Variants in ATE1 observed in about 807,000 individuals in gnomAD.
ATE1 encodes the protein arginyltransferase 1, also known as arginyl-tRNA--protein transferase 1.
ATE1 carries 36 observed loss-of-function variants against 70.5 expected under a neutral mutation model. The ratio of observed to expected loss-of-function variants is 0.51; its 90% CI spans 0.39 to 0.67. The LOEUF (loss-of-function observed/expected upper bound fraction) is 0.67, where lower values mean the gene tolerates loss of function less well. Ranked by LOEUF, ATE1 falls within the 30% of genes least tolerant of loss-of-function variation. ATE1 has a pLI of 0.00. For missense variants in ATE1, 593 were observed against 629.5 expected (o/e 0.94, Z 0.62); for synonymous variants, 232 against 219.3 (o/e 1.06, Z -0.51).
intron 4 of ATE1, among the ~76,000 whole-genome samples, chr10:121,913,338 A>C (rs184243647): frequency 6.6e-6 from 1 of 152,384 alleles, no homozygotes; most frequent in East Asian, 1.9e-4. Context: ...CAAACAGTAT[A>C]ATTTACTGAA....
At chr10:121,745,461 A>G (rs960377786) in intron 11 of ATE1, among the ~76,000 whole-genome samples, 2 of 152,220 alleles carry the variant, frequency 1.3e-5, no homozygotes, top group Admixed American at 1.3e-4. Flanking sequence ...TCACGCCTGT[A>G]ATCCCAGCAC....
intron 10 of ATE1, among the ~76,000 whole-genome samples, chr10:121,803,670 A>G (rs930318358): frequency 6.6e-6 from 1 of 152,256 alleles, no homozygotes; most frequent in Non-Finnish European, 1.5e-5. Context: ...CACGGCTTTA[A>G]TAAAGTCAGT....
chr10:121,848,159 G>A (rs986251230), intron 8 of ATE1, among the ~76,000 whole-genome samples: 1 of 152,106 alleles, frequency 6.6e-6, no homozygotes, highest in African/African-American at 2.4e-5. Context: ...ATTTAAGGTG[G>A]AAAGCCTGTC....
At chr10:121,752,822 C>T (rs1663152288) in intron 11 of ATE1, among the ~76,000 whole-genome samples, 1 of 152,164 alleles carries the variant, frequency 6.6e-6, no homozygotes, top group South Asian at 2.1e-4. Flanking sequence ...ATTGTTTTGG[C>T]TATCCTGGGT....
intron 11 of ATE1, among the ~76,000 whole-genome samples, chr10:121,772,850 G>C (rs760062449): frequency 1.3e-5 from 2 of 152,222 alleles, no homozygotes; most frequent in African/African-American, 4.8e-5. Flanking sequence ...AATTCAATGT[G>C]CATAATCAAC....
At chr10:121,882,995 G>C (rs930981907) in intron 7 of ATE1, among the ~76,000 whole-genome samples, 2 of 152,010 alleles carry the variant, frequency 1.3e-5, no homozygotes, top group African/African-American at 4.8e-5. Flanking sequence ...AAAAACAATA[G>C]AAGTGAAAAT....
intron 1 of ATE1, chr10:121,927,630 A>G: frequency 1.1e-6 from 1 of 950,110 alleles, no homozygotes; most frequent in South Asian, 4.9e-5. Context: ...CACGATTTCG[A>G]GAGTACGGGC....
chr10:121,840,449 A>G (rs1287918148), intron 9 of ATE1, among the ~76,000 whole-genome samples: 1 of 152,204 alleles, frequency 6.6e-6, no homozygotes, highest in Non-Finnish European at 1.5e-5. Flanking sequence ...CCTGGGCAAC[A>G]CAGCAAGACC....
At chr10:121,790,952 GTA>G (rs142004935) in intron 10 of ATE1, among the ~76,000 whole-genome samples, 1 of 5,906 alleles carries the variant, frequency 1.7e-4, no homozygotes, top group African/African-American at 2.9e-4. Context: ...ATATATATGT[GTA>G]TATATATATG....
intron 7 of ATE1, among the ~76,000 whole-genome samples, chr10:121,871,442 AG>A (rs1273423130): frequency 6.6e-6 from 1 of 152,164 alleles, no homozygotes; most frequent in Non-Finnish European, 1.5e-5. Context: ...CTAGGAGACT[AG>A]GGCGAGACTC....
At position 121,911,010 on chromosome 10, in the gene ATE1, T is replaced by C. The variant is rs1951401322; in HGVS notation, c.479A>G (p.Lys160Arg). The C allele has an allele frequency of 6.2e-7, 1 of 1,614,038 alleles. No homozygotes were observed. Among genetic ancestry groups the C allele is most frequent in the East Asian group, 2.2e-5 (1 of 44,876 alleles). Reference protein sequence around the residue: ...SLESEGKNSKKEEPQELLQSQ... With the variant: ...SLESEGKNSKREEPQELLQSQ... Reference sequence around the variant, plus strand: ...CTGAAGTAATTCCTGAGGTTCTTCTTTCTTTGAATTTTTTCCTTCACTCTC... The same window carrying C: ...CTGAAGTAATTCCTGAGGTTCTTCTCTCTTTGAATTTTTTCCTTCACTCTC... Residue 160 changes from lysine (K) to arginine (R), a missense_variant, in exon 5 of 12, where the codon AAA (lysine) becomes AGA (arginine). Physicochemically the swap from Lys to Arg is conservative, Grantham distance 26. Transcript: ENST00000224652.
chr10:121,766,915 C>A (rs1248853284), intron 11 of ATE1, among the ~76,000 whole-genome samples: 6 of 152,164 alleles, frequency 3.9e-5, no homozygotes, highest in African/African-American at 1.4e-4. Flanking sequence ...ACCCATTCCA[C>A]ACAATCCCTT....
chr10:121,883,380 G>A (rs976593902), intron 7 of ATE1, among the ~76,000 whole-genome samples: 15 of 151,876 alleles, frequency 9.9e-5, no homozygotes, highest in Admixed American at 8.5e-4. Flanking sequence ...ATATTTTAAC[G>A]AGCATATTAA....
intron 5 of ATE1, among the ~76,000 whole-genome samples, chr10:121,904,496 G>C (rs74914751): frequency 0.13 from 19,950 of 150,876 alleles, 1,514 homozygotes; most frequent in East Asian, 0.19. Context: ...AAAAAATGAA[G>C]CAGGCATGGT....
At chr10:121,771,306 T>A (rs1408375693) in intron 11 of ATE1, among the ~76,000 whole-genome samples, 1 of 152,142 alleles carries the variant, frequency 6.6e-6, no homozygotes, top group Non-Finnish European at 1.5e-5. Context: ...CCTGACCTCG[T>A]GATCCACCCG....
Position 121,911,453 on chromosome 10 carries a change from A to C in ATE1, c.338-302T>G, listed in dbSNP as rs1256048225. On this transcript the variant is annotated intron_variant, in intron 4 of 11. Coordinates refer to ENST00000224652, the MANE Select transcript of ATE1 (RefSeq NM_001001976.3). ...TCTCTACAGTAAATTAAAAAAAAAA[A>C]AAAAAAACAAAAACTGTGGCGCCCT... Among the ~76,000 whole-genome samples the C allele has an allele frequency of 4.6e-5, 7 of 151,786 alleles. No individual in the cohort carries two copies. The East Asian group carries it at 7.7e-4, about 17-fold the overall frequency.
chr10:121,851,060 C>T (rs1197707562), intron 8 of ATE1, among the ~76,000 whole-genome samples: 1 of 128,588 alleles, frequency 7.8e-6, no homozygotes, highest in East Asian at 2.4e-4. Flanking sequence ...CACTGCACTC[C>T]AGCCTGGGCC....
intron 8 of ATE1, among the ~76,000 whole-genome samples, chr10:121,857,677 C>A (rs763510345): frequency 5.9e-5 from 9 of 152,170 alleles, no homozygotes; most frequent in Non-Finnish European, 8.8e-5. Context: ...CTATTCACAA[C>A]GGCAAAGAAA....
Position 121,894,163 on chromosome 10 carries a change from GA to G in ATE1, c.942+5702del, listed in dbSNP as rs563581504. On this transcript the variant is annotated intron_variant, in intron 7 of 11. Coordinates refer to ENST00000224652, the MANE Select transcript of ATE1 (RefSeq NM_001001976.3). ...AAAAAAAAAAAAAAAAGGAACAGAG[GA>G]AAAAAAAAAACATGGACATATCGAG... 6.4e-4 allele frequency among the ~76,000 whole-genome samples: 90 copies of G among 141,262 alleles called. No homozygotes were observed. The South Asian group carries it at 7.9e-3, about 12-fold the overall frequency. 92.7% of individuals were successfully genotyped at this position (141,262 alleles called of 152,430 possible).
Sources: gnomAD v4.1 joint callset for allele counts (sites outside exome capture counted in the v4.1 genomes callset) on GRCh38, gnomAD v4.1.1 for gene constraint, MANE v1.5 for transcripts, NCBI Gene and HGNC (gene_info 2026-07-23, HGNC 2026-07-21) for gene names.